The following LRRC9 variants were observed in gnomAD, a reference collection of about 807,000 sequenced individuals.
LRRC9 encodes leucine-rich repeat-containing protein 9.
In LRRC9, 122 loss-of-function variants were observed where a neutral mutation model predicts 63.2. The observed-to-expected ratio is 1.93, with a 90% CI of 1.67 to 2.24. LRRC9 has a LOEUF of 2.24. LRRC9 is among the 30% of genes most tolerant of loss of function. The probability of loss-of-function intolerance (pLI) is 0.00; values close to 1 mark genes in which losing one functional copy is unlikely to be tolerated. For synonymous variants in LRRC9, 366 were observed against 213.1 expected (o/e 1.72, Z -6.25); for missense variants, 1,071 against 627.7 (o/e 1.71, Z -7.55).
chr14:60,049,217 TTC>T (rs746636479), intron 29 of LRRC9, among the ~76,000 whole-genome samples: 17 of 152,136 alleles, frequency 1.1e-4, no homozygotes, highest in Non-Finnish European at 1.9e-4. Context: ...CAGCTTGCCA[TTC>T]TGTGTCTTTT....
intron 29 of LRRC9, among the ~76,000 whole-genome samples, chr14:60,041,936 T>C (rs534076049): frequency 6.6e-6 from 1 of 152,310 alleles, no homozygotes; most frequent in African/African-American, 2.4e-5. Flanking sequence ...TTGGTATGGA[T>C]GTCCTTTCTG....
intron 8 of LRRC9, among the ~76,000 whole-genome samples, chr14:59,952,815 C>G (rs371443783): frequency 1.3e-5 from 2 of 152,262 alleles, no homozygotes; most frequent in Admixed American, 6.5e-5. Flanking sequence ...CCTTGCCCCC[C>G]ACCTCGCAAC....
intron 8 of LRRC9, among the ~76,000 whole-genome samples, chr14:59,949,757 C>T (rs1291612535): frequency 6.6e-6 from 1 of 150,764 alleles, no homozygotes; most frequent in Non-Finnish European, 1.5e-5. Context: ...GTTATGTACC[C>T]AGTAGTCATT....
chr14:59,978,012 T>C lies in LRRC9; in HGVS notation c.1763-5T>C. 1 of 696,470 alleles carries C rather than the reference T, an allele frequency of 1.4e-6. No individual in the cohort carries two copies. Among genetic ancestry groups the C allele is most frequent in the Non-Finnish European group, 2.6e-6 (1 of 381,288 alleles). 43.1% of individuals were successfully genotyped at this position (696,470 alleles called of 1,614,324 possible). ...TTGCTTTGCTTGTTTTTGCTTTTAC[T>C]CTAGATTCTGTCATGGGACAAAGAA... On this transcript the variant is annotated splice_region_variant and splice_polypyrimidine_tract_variant and intron_variant, in intron 14 of 31. Transcript: ENST00000445360.
At position 60,043,756 on chromosome 14, in the gene LRRC9, CTTT is replaced by C. The variant is rs368065898; in HGVS notation, c.3991-9289_3991-9287del. Among the ~76,000 whole-genome samples the C allele has an allele frequency of 4.3e-3, 305 of 71,554 alleles. 3 individuals carry two copies. Among genetic ancestry groups the C allele is most frequent in the African/African-American group, 0.016 (280 of 17,388 alleles). 46.9% of individuals were successfully genotyped at this position (71,554 alleles called of 152,430 possible). A position where few individuals can be genotyped will look rare whatever the true frequency, so the allele number is the denominator to read the frequency against. On this transcript the variant is annotated intron_variant, in intron 29 of 31. Coordinates refer to ENST00000445360, the Ensembl canonical transcript of LRRC9. ...GAGCGTAGCCTGTAGTTTTCTTTTCCTTTTTTTTTTTTTTTTTTTTTTGCCTTG... is the reference window on the plus strand; with the variant it reads ...GAGCGTAGCCTGTAGTTTTCTTTTCCTTTTTTTTTTTTTTTTTTTGCCTTG...
intron 15 of LRRC9, among the ~76,000 whole-genome samples, chr14:59,980,114 C>A (rs1886770650): frequency 6.6e-6 from 1 of 151,950 alleles, no homozygotes; most frequent in Admixed American, 6.6e-5. Context: ...AATAAATATT[C>A]TTTATTTTCT....
intron 24 of LRRC9, 70 bp downstream of exon 24, chr14:60,016,860 G>A (rs1366083084): frequency 5.3e-6 from 3 of 563,050 alleles, no homozygotes; most frequent in Non-Finnish European, 9.7e-6. Context: ...TTTTTCTGAA[G>A]CTTACATTTA....
At chr14:59,951,968 G>A (rs1302224621) in intron 8 of LRRC9, among the ~76,000 whole-genome samples, 1 of 148,970 alleles carries the variant, frequency 6.7e-6, no homozygotes, top group Non-Finnish European at 1.5e-5. Context: ...TCTGTGCCCT[G>A]CCCCCAGAGG....
rs1167051629 is a variant in LRRC9 at position 60,053,381 on chromosome 14, G to GCACACACA, written c.4131+177_4131+178insACACACAC. Reference sequence around the variant, plus strand: ...TGGATTTGGTGAATAGAGCATGCGTGCTCACACACACACACACACACACAC... The same window carrying GCACACACA: ...TGGATTTGGTGAATAGAGCATGCGTGCACACACACTCACACACACACACACACACACAC... On this transcript the variant is annotated intron_variant, in intron 30 of 31. Coordinates refer to ENST00000445360, the Ensembl canonical transcript of LRRC9. The surrounding 1 kb of genome is among the most constrained non-coding windows in gnomAD (Gnocchi z 4.8). Among the ~76,000 whole-genome samples the GCACACACA allele has an allele frequency of 1.4e-5, 1 of 73,206 alleles. No individual in the cohort carries two copies. Among genetic ancestry groups the GCACACACA allele is most frequent in the African/African-American group, 4.9e-5 (1 of 20,256 alleles). The allele number at this position is 73,206 out of a possible 152,430, so 48.0% of individuals were successfully genotyped here.
Position 59,923,695 on chromosome 14 carries a change from C to T in LRRC9, c.-34+3812C>T, listed in dbSNP as rs1345262647. ...GCCTGTAGGCTCACGCCTCCCAGCA[C>T]TCTGGGAAGCTGAGGTGGGTGGATC... On this transcript the variant is annotated intron_variant, in intron 1 of 31. Transcript: ENST00000445360. The surrounding 1 kb of genome is among the most constrained non-coding windows in gnomAD (Gnocchi z 4.2). 6.6e-6 allele frequency among the ~76,000 whole-genome samples: 1 copy of T among 152,246 alleles called. No homozygotes were observed. Among genetic ancestry groups the T allele is most frequent in the Non-Finnish European group, 1.5e-5 (1 of 68,042 alleles).
chr14:60,035,567 C>A lies in LRRC9; in HGVS notation c.3990+3504C>A, dbSNP rs1892361022. 2.0e-5 allele frequency among the ~76,000 whole-genome samples: 3 copies of A among 152,166 alleles called. No individual in the cohort carries two copies. In the South Asian group the frequency reaches 6.2e-4, roughly 31 times the overall value. On this transcript the variant is annotated intron_variant, in intron 29 of 31. Coordinates refer to ENST00000445360, the Ensembl canonical transcript of LRRC9. Reference sequence around the variant, plus strand: ...TCATTCTCATATACAGAGTTATCCACTTTTCCCAGAACTATTTATTAACAA... The same window carrying A: ...TCATTCTCATATACAGAGTTATCCAATTTTCCCAGAACTATTTATTAACAA...
In LRRC9 at chr14:60,027,461, CTAACA is replaced by C. The variant is rs1891648992; in HGVS notation, c.3704-419_3704-415del. Among the ~76,000 whole-genome samples, 1 of 151,966 alleles carries C rather than the reference CTAACA, an allele frequency of 6.6e-6. No homozygotes were observed. Among genetic ancestry groups the C allele is most frequent in the South Asian group, 2.1e-4 (1 of 4,814 alleles). ...AACAGCATAATTAATGTGTATTCTT[CTAACA>C]TAATACAACAAATTAGTCTATTTTA... On this transcript the variant is annotated intron_variant, in intron 27 of 31. Transcript: ENST00000445360. This position sits in a 1 kb window ranked among gnomAD's most constrained non-coding sequence, Gnocchi z 4.0.
intron 12 of LRRC9, among the ~76,000 whole-genome samples, 189 bp from the exon 13 acceptor site, chr14:59,974,387 T>C (rs749241913): frequency 2.6e-5 from 4 of 152,128 alleles, no homozygotes; most frequent in Non-Finnish European, 5.9e-5. Context: ...TATTTGCATA[T>C]GAATTTAAGA....
At chr14:59,968,452 C>A (rs999962903) in intron 12 of LRRC9, among the ~76,000 whole-genome samples, 17 of 152,132 alleles carry the variant, frequency 1.1e-4, no homozygotes, top group African/African-American at 4.1e-4. Context: ...TATTTTGCCA[C>A]AATAAAAATA....
rs1004928078 is a variant in LRRC9 at position 59,923,984 on chromosome 14, C to T, written c.-33-3927C>T. ...CAACAACAAAAAACAGATACTCGTG[C>T]AGGAATAGTCAGAGCTAATGAAAAA... On this transcript the variant is annotated intron_variant, in intron 1 of 31. Transcript: ENST00000445360. This position sits in a 1 kb window ranked among gnomAD's most constrained non-coding sequence, Gnocchi z 4.2. Among the ~76,000 whole-genome samples, 4 of 152,130 alleles carry T rather than the reference C, an allele frequency of 2.6e-5. No homozygotes were observed. Among genetic ancestry groups the T allele is most frequent in the African/African-American group, 7.2e-5 (3 of 41,420 alleles).
rs1595103940 is a variant in LRRC9, at chr14:60,046,585, G to A, written c.3991-6480G>A. ...TTTGTCCAAGATCAGATGGTTGTAG[G>A]TGTGCGGTCTTATTTCTGAGTTCTC... On this transcript the variant is annotated intron_variant, in intron 29 of 31. Coordinates refer to ENST00000445360, the Ensembl canonical transcript of LRRC9. Among the ~76,000 whole-genome samples, 4 of 152,112 alleles carry A rather than the reference G, an allele frequency of 2.6e-5. No individual in the cohort carries two copies. In the South Asian group the frequency reaches 8.3e-4, roughly 32 times the overall value.
At chr14:59,999,155 A>G (rs930447880) in exon 19 of LRRC9, 1 of 701,268 alleles carries the variant, frequency 1.4e-6, no homozygotes, top group South Asian at 1.5e-5. Context: ...TACCCATTTA[A>G]ATGGAGTCTT....
At chr14:60,023,044 T>G (rs1485713002) in intron 27 of LRRC9, among the ~76,000 whole-genome samples, 174 bp downstream of exon 27, 2 of 151,998 alleles carry the variant, frequency 1.3e-5, no homozygotes, top group Admixed American at 6.6e-5. Context: ...TTAGAAACCA[T>G]TTTTAAAGGT....
intron 6 of LRRC9, among the ~76,000 whole-genome samples, chr14:59,934,922 A>C (rs373265613): frequency 6.6e-6 from 1 of 152,114 alleles, no homozygotes; most frequent in South Asian, 2.1e-4. Flanking sequence ...CATAGAATTG[A>C]ACTCCACATG....
Sources: gnomAD v4.1 joint callset for allele counts (sites outside exome capture counted in the v4.1 genomes callset) on GRCh38, gnomAD v4.1.1 for gene constraint, Gnocchi (gnomAD v3.1) non-coding constraint, MANE v1.5 for transcripts, NCBI Gene and HGNC (gene_info 2026-07-23, HGNC 2026-07-21) for gene names.